BLOC1S5: variants seen among roughly 807,000 people sequenced by gnomAD.
BLOC1S5 encodes the protein biogenesis of lysosomal organelles complex 1 subunit 5.
BLOC1S5 carries 27 observed loss-of-function variants against 24.3 expected under a neutral mutation model. That is an observed-to-expected ratio of 1.11 (90% CI 0.82 to 1.53). BLOC1S5 has a LOEUF of 1.53. BLOC1S5 is among the 40% of genes most tolerant of loss of function. The pLI, the probability that BLOC1S5 is intolerant of heterozygous loss-of-function variation, is 0.00. For synonymous variants in BLOC1S5, 84 were observed against 74.5 expected (o/e 1.13, Z -0.66); for missense variants, 239 against 229.4 (o/e 1.04, Z -0.27).
At chr6:8,040,462 A>C (rs561322309) in intron 3 of BLOC1S5, among the ~76,000 whole-genome samples, 1 of 152,370 alleles carries the variant, frequency 6.6e-6, no homozygotes, top group African/African-American at 2.4e-5. Context: ...GTTTTTTAAA[A>C]GTAAAAAAAC....
chr6:8,031,374 T>C (rs1325384060), intron 3 of BLOC1S5, among the ~76,000 whole-genome samples: 3 of 152,104 alleles, frequency 2.0e-5, no homozygotes, highest in Non-Finnish European at 2.9e-5. Context: ...TCAACCCCTT[T>C]TAGAATAGCT....
chr6:8,039,845 C>G (rs1763618844), intron 3 of BLOC1S5, among the ~76,000 whole-genome samples: 1 of 152,096 alleles, frequency 6.6e-6, no homozygotes, highest in Non-Finnish European at 1.5e-5. Context: ...TGGGACCAGG[C>G]TAAAACCACA....
intron 1 of BLOC1S5, among the ~76,000 whole-genome samples, chr6:8,063,507 T>C (rs560064667): frequency 2.7e-4 from 41 of 152,348 alleles, no homozygotes; most frequent in African/African-American, 9.9e-4. Flanking sequence ...TTTTTCATTT[T>C]TGCAGACATA....
intron 3 of BLOC1S5, among the ~76,000 whole-genome samples, chr6:8,027,778 G>A (rs969114042): frequency 5.3e-5 from 8 of 149,556 alleles, no homozygotes; most frequent in African/African-American, 1.2e-4. Context: ...AGCCAAGATC[G>A]TGCCACTGCA....
chr6:8,017,383 C>CG (rs1762779123), intron 4 of BLOC1S5, among the ~76,000 whole-genome samples: 2 of 89,040 alleles, frequency 2.2e-5, no homozygotes, highest in Admixed American at 2.5e-4. Flanking sequence ...GTCTCAAAAA[C>CG]AAACACACAC....
At chr6:8,028,538 C>A (rs1038440421) in intron 3 of BLOC1S5, among the ~76,000 whole-genome samples, 19 of 152,118 alleles carry the variant, frequency 1.2e-4, no homozygotes, top group African/African-American at 4.6e-4. Context: ...TCATCACTTT[C>A]AGAAGATTCT....
At chr6:8,028,469 T>C (rs1470122757) in intron 3 of BLOC1S5, among the ~76,000 whole-genome samples, 4 of 152,166 alleles carry the variant, frequency 2.6e-5, no homozygotes, top group African/African-American at 9.7e-5. Context: ...TGCGTTGTTT[T>C]TTTCCCCCAC....
chr6:8,058,966 A>G (rs897962764), intron 2 of BLOC1S5, among the ~76,000 whole-genome samples: 1 of 152,262 alleles, frequency 6.6e-6, no homozygotes, highest in African/African-American at 2.4e-5. Flanking sequence ...AAAGTTTGCT[A>G]AAAACTAAAT....
At chr6:8,054,170 C>A in intron 2 of BLOC1S5, 1 of 391,516 alleles carries the variant, frequency 2.6e-6, no homozygotes, top group South Asian at 1.9e-5. Context: ...CCCAGCTTTT[C>A]CCTCCTTTTT....
chr6:8,021,301 A>G (rs1762908923), intron 4 of BLOC1S5, among the ~76,000 whole-genome samples: 1 of 152,132 alleles, frequency 6.6e-6, no homozygotes, highest in Non-Finnish European at 1.5e-5. Flanking sequence ...GTTTTGCAAT[A>G]TGAACGAGTT....
At chr6:8,028,861 C>T (rs1763193553) in intron 3 of BLOC1S5, among the ~76,000 whole-genome samples, 1 of 151,932 alleles carries the variant, frequency 6.6e-6, no homozygotes, top group Admixed American at 6.6e-5. Context: ...CCAAGAAGGC[C>T]CATTTCTCTG....
intron 3 of BLOC1S5, among the ~76,000 whole-genome samples, chr6:8,029,848 A>C (rs773282491): frequency 6.6e-6 from 1 of 152,240 alleles, no homozygotes; most frequent in Non-Finnish European, 1.5e-5. Context: ...AAAAAAAGAA[A>C]TCTGCAGGTA....
chr6:8,054,405 C>G, intron 2 of BLOC1S5: 3 of 325,728 alleles, frequency 9.2e-6, no homozygotes, highest in South Asian at 7.5e-5. Context: ...TGCTTACCCA[C>G]TGTTGTTAGG....
intron 2 of BLOC1S5, among the ~76,000 whole-genome samples, chr6:8,046,730 A>G (rs1763911963): frequency 6.6e-6 from 1 of 151,952 alleles, no homozygotes; most frequent in South Asian, 2.1e-4. Flanking sequence ...AAAGTATATC[A>G]TTTCAACTGT....
At chr6:8,025,538 G>A (rs905573684) in intron 4 of BLOC1S5, among the ~76,000 whole-genome samples, 2 of 152,148 alleles carry the variant, frequency 1.3e-5, no homozygotes, top group African/African-American at 4.8e-5. Context: ...TCACATTGTT[G>A]AATTTTCAAA....
At chr6:8,017,326 C>T (rs761099612) in intron 4 of BLOC1S5, among the ~76,000 whole-genome samples, 2 of 152,038 alleles carry the variant, frequency 1.3e-5, no homozygotes, top group South Asian at 2.1e-4. Flanking sequence ...TGCAGTGAGC[C>T]GAGACTGCAC....
Position 8,015,697 on chromosome 6 carries a change from T to C in BLOC1S5, c.516A>G (p.Glu172=). The change falls in exon 5 of 5, where the codon GAA becomes GAG. Residue 172 remains glutamate, a synonymous_variant. Transcript: ENST00000397457. ...GGTCCTTCTCCATCTCAGCATATTGTTCTTTAAGCCTTTCCATGGCTTTTC... is the reference window on the plus strand; with the variant it reads ...GGTCCTTCTCCATCTCAGCATATTGCTCTTTAAGCCTTTCCATGGCTTTTC... ...EHRKAMERLK[E]QYAEMEKDLA... 1 of 1,614,064 alleles carries C rather than the reference T, an allele frequency of 6.2e-7. No homozygotes were observed. Among genetic ancestry groups the C allele is most frequent in the Non-Finnish European group, 8.5e-7 (1 of 1,179,994 alleles).
intron 4 of BLOC1S5, among the ~76,000 whole-genome samples, chr6:8,021,110 A>G (rs1160369951): frequency 1.3e-5 from 2 of 152,222 alleles, no homozygotes; most frequent in Non-Finnish European, 2.9e-5. Flanking sequence ...GCATGGACGA[A>G]TCTCGATGAC....
At chr6:8,034,416 G>T (rs1302990994) in intron 3 of BLOC1S5, among the ~76,000 whole-genome samples, 1 of 152,198 alleles carries the variant, frequency 6.6e-6, no homozygotes, top group African/African-American at 2.4e-5. Context: ...ACTAATAGGT[G>T]GGAATTGACA....
Sources: gnomAD v4.1 joint callset for allele counts (sites outside exome capture counted in the v4.1 genomes callset) on GRCh38, gnomAD v4.1.1 for gene constraint, MANE v1.5 for transcripts, NCBI Gene and HGNC (gene_info 2026-07-23, HGNC 2026-07-21) for gene names.